The following KCNQ5 variants were observed in gnomAD, a reference collection of about 807,000 sequenced individuals.
KCNQ5 encodes the protein potassium voltage-gated channel subfamily Q member 5, also known as potassium voltage-gated channel subfamily KQT member 5.
A neutral mutation model predicts 98.2 loss-of-function variants in KCNQ5; 30 were observed. The ratio of observed to expected loss-of-function variants is 0.31; its 90% CI spans 0.23 to 0.41. The LOEUF (loss-of-function observed/expected upper bound fraction) is 0.41. Ranked by LOEUF, KCNQ5 falls within the 10% of genes least tolerant of loss-of-function variation. The pLI is 1.00. For missense variants in KCNQ5, 835 were observed against 1,182.5 expected (o/e 0.71, Z 4.31); for synonymous variants, 458 against 449.4 (o/e 1.02, Z -0.24).
chr6:72,622,971 T>A lies in KCNQ5; in HGVS notation c.398+384T>A, dbSNP rs1338657668. ...TGCAAAGGGAGGACAGGCGCCCGTGTGAGGCTTGAGAGTATACTGGAGAGG... is the reference window on the plus strand; with the variant it reads ...TGCAAAGGGAGGACAGGCGCCCGTGAGAGGCTTGAGAGTATACTGGAGAGG... On this transcript the variant is annotated intron_variant, in intron 1 of 13. Transcript: ENST00000370398. The surrounding 1 kb of genome is among the most constrained non-coding windows in gnomAD (Gnocchi z 6.0). Among the ~76,000 whole-genome samples, 1 of 151,646 alleles carries A rather than the reference T, an allele frequency of 6.6e-6. No homozygotes were observed. Among genetic ancestry groups the A allele is most frequent in the African/African-American group, 2.4e-5 (1 of 41,200 alleles).
chr6:73,156,133 G>A (rs1777353358), intron 10 of KCNQ5, among the ~76,000 whole-genome samples: 1 of 152,168 alleles, frequency 6.6e-6, no homozygotes, highest in African/African-American at 2.4e-5. Flanking sequence ...AAGGTTTTGA[G>A]AAATGATAGC....
chr6:73,004,601 A>G (rs1769736296), intron 2 of KCNQ5, among the ~76,000 whole-genome samples: 2 of 152,182 alleles, frequency 1.3e-5, no homozygotes, highest in African/African-American at 4.8e-5. Context: ...TTAAAATGGA[A>G]AAAGACCCCA....
At chr6:73,158,888 C>A (rs763808461) in intron 10 of KCNQ5, among the ~76,000 whole-genome samples, 2 of 152,234 alleles carry the variant, frequency 1.3e-5, no homozygotes, top group East Asian at 1.9e-4. Context: ...GTGTAGTACA[C>A]CTGCATGATC....
chr6:73,089,312 A>G (rs1437062674), intron 5 of KCNQ5, among the ~76,000 whole-genome samples: 1 of 150,222 alleles, frequency 6.7e-6, no homozygotes, highest in African/African-American at 2.5e-5. Context: ...TTTAGGAAAC[A>G]GTTGGTAGGG....
intron 2 of KCNQ5, among the ~76,000 whole-genome samples, chr6:73,004,683 T>C (rs1198945556): frequency 1.3e-5 from 2 of 152,226 alleles, no homozygotes; most frequent in African/African-American, 2.4e-5. Flanking sequence ...ACTATAGCAC[T>C]GTACACTCTA....
chr6:73,094,159 C>T (rs181647783), intron 5 of KCNQ5, among the ~76,000 whole-genome samples: 1 of 152,182 alleles, frequency 6.6e-6, no homozygotes, highest in Admixed American at 6.5e-5. Context: ...TTATATAATG[C>T]CCTCTTTGTC....
At chr6:72,725,597 G>A (rs986587521) in intron 1 of KCNQ5, among the ~76,000 whole-genome samples, 5 of 152,132 alleles carry the variant, frequency 3.3e-5, no homozygotes, top group Admixed American at 6.6e-5. Flanking sequence ...AAGCTTTAGT[G>A]GTCTGTTGTG....
chr6:72,883,292 T>C (rs1778715497), intron 1 of KCNQ5, among the ~76,000 whole-genome samples: 1 of 152,192 alleles, frequency 6.6e-6, no homozygotes, highest in South Asian at 2.1e-4. Context: ...TGCCTCCTGT[T>C]CTCAAAAGAA....
chr6:73,056,956 G>T (rs534317692), intron 3 of KCNQ5, among the ~76,000 whole-genome samples: 1 of 152,070 alleles, frequency 6.6e-6, no homozygotes, highest in African/African-American at 2.4e-5. Flanking sequence ...AATACCATTT[G>T]ACCCAGCCAT....
chr6:72,663,887 A>G (rs187507138), intron 1 of KCNQ5, among the ~76,000 whole-genome samples: 23 of 152,250 alleles, frequency 1.5e-4, no homozygotes, highest in Admixed American at 1.5e-3. Context: ...ATCTTCAAGT[A>G]TATTATCTGT....
chr6:73,129,932 A>G, intron 9 of KCNQ5: 3 of 1,054,664 alleles, frequency 2.8e-6, no homozygotes, highest in Non-Finnish European at 4.3e-6. Flanking sequence ...CCGCCACCCC[A>G]CCTGAGCCCT....
intron 2 of KCNQ5, among the ~76,000 whole-genome samples, chr6:73,032,099 G>A (rs1479409601): frequency 6.6e-6 from 1 of 152,198 alleles, no homozygotes; most frequent in Non-Finnish European, 1.5e-5. Context: ...AATATGAGAA[G>A]ATAAGATCTG....
At chr6:72,969,461 C>T (rs998865169) in intron 1 of KCNQ5, among the ~76,000 whole-genome samples, 3 of 152,162 alleles carry the variant, frequency 2.0e-5, no homozygotes, top group African/African-American at 7.2e-5. Context: ...TGGTTTGTCT[C>T]AGTCATTAGT....
chr6:72,926,716 TATC>T lies in KCNQ5; in HGVS notation c.399-77189_399-77187del, dbSNP rs1765437026. 2.0e-5 allele frequency among the ~76,000 whole-genome samples: 3 copies of T among 152,186 alleles called. No homozygotes were observed. In the East Asian group the frequency reaches 5.8e-4, roughly 29 times the overall value. On this transcript the variant is annotated intron_variant, in intron 1 of 13. Coordinates refer to ENST00000370398, the MANE Select transcript of KCNQ5 (RefSeq NM_019842.4). ...GTTCAATTAGTTCTTCTCAAAAATTTATCATTTTAGGGCATGGTTTTCTTAATC... is the reference window on the plus strand; with the variant it reads ...GTTCAATTAGTTCTTCTCAAAAATTTATTTTAGGGCATGGTTTTCTTAATC...
chr6:72,771,619 A>G (rs1772888070), intron 1 of KCNQ5, among the ~76,000 whole-genome samples: 1 of 151,564 alleles, frequency 6.6e-6, no homozygotes, highest in African/African-American at 2.4e-5. Context: ...GATGATGGAT[A>G]TGTTAAGACA....
chr6:72,917,427 A>AG (rs1780193273), intron 1 of KCNQ5, among the ~76,000 whole-genome samples: 1 of 147,058 alleles, frequency 6.8e-6, no homozygotes, highest in African/African-American at 2.7e-5. Flanking sequence ...GGGATTTAGG[A>AG]GCCCCCCCAC....
At chr6:73,054,940 C>T (rs1772403500) in intron 3 of KCNQ5, among the ~76,000 whole-genome samples, 1 of 152,186 alleles carries the variant, frequency 6.6e-6, no homozygotes, top group South Asian at 2.1e-4. Context: ...CCCAGAAAAC[C>T]CCATAATCTC....
chr6:72,987,828 T>TC, intron 1 of KCNQ5: 1 of 362,738 alleles, frequency 2.8e-6, no homozygotes, highest in South Asian at 3.4e-5. Flanking sequence ...CAAGTTTTTT[T>TC]TGGTGAAAAA....
chr6:73,003,876 C>A, intron 1 of KCNQ5, 32 bp from the exon 2 acceptor site: 2 of 1,384,314 alleles, frequency 1.4e-6, no homozygotes, highest in Non-Finnish European at 2.1e-6. Context: ...AGGTAAGGTT[C>A]TTATCAGATT....
Sources: gnomAD v4.1 joint callset for allele counts (sites outside exome capture counted in the v4.1 genomes callset) on GRCh38, gnomAD v4.1.1 for gene constraint, Gnocchi (gnomAD v3.1) non-coding constraint, MANE v1.5 for transcripts, NCBI Gene and HGNC (gene_info 2026-07-23, HGNC 2026-07-21) for gene names.